Variants in PTPRD observed in about 807,000 individuals in gnomAD.
The protein encoded by PTPRD is protein tyrosine phosphatase receptor type D, also known as receptor-type tyrosine-protein phosphatase delta.
A neutral mutation model predicts 214.5 loss-of-function variants in PTPRD; 34 were observed. That is an observed-to-expected ratio of 0.16 (90% CI 0.12 to 0.21). PTPRD has a LOEUF of 0.21. Among genes scored for constraint, PTPRD ranks in the 10% least tolerant of loss-of-function variants. The pLI is 1.00. For missense variants in PTPRD, 2,545 were observed against 2,398.7 expected, an observed-to-expected ratio of 1.06 and a Z score of -1.27; for synonymous variants, 1,128 against 845.7, an observed-to-expected ratio of 1.33 and a Z score of -5.79.
chr9:8,839,896 G>A (rs908408639), intron 11 of PTPRD, among the ~76,000 whole-genome samples: 2 of 152,052 alleles, frequency 1.3e-5, no homozygotes, highest in African/African-American at 4.8e-5. Context: ...ATACATTTAT[G>A]GTAAAATGAT....
intron 7 of PTPRD, among the ~76,000 whole-genome samples, chr9:9,696,425 T>C (rs1001190097): frequency 3.3e-5 from 5 of 152,160 alleles, no homozygotes; most frequent in African/African-American, 4.8e-5. Context: ...TATTATTGTA[T>C]TGCAGTCTAG....
intron 2 of PTPRD, among the ~76,000 whole-genome samples, chr9:10,406,078 T>C (rs1241236126): frequency 6.6e-6 from 1 of 151,350 alleles, no homozygotes; most frequent in East Asian, 2.0e-4. Context: ...TATTCTAATG[T>C]ATATTAATTA....
In PTPRD at chr9:9,267,971, A is replaced by T. The variant is rs780571410; in HGVS notation, c.-202-84608T>A. Reference sequence around the variant, plus strand: ...CTTTTCCTCTAAAATCAGGAACAAGACAAGGATGTCCACTCTCGCCACTTC... The same window carrying T: ...CTTTTCCTCTAAAATCAGGAACAAGTCAAGGATGTCCACTCTCGCCACTTC... On this transcript the variant is annotated intron_variant, in intron 9 of 45. Coordinates refer to ENST00000381196, the MANE Select transcript of PTPRD (RefSeq NM_002839.4). 5.0e-4 allele frequency among the ~76,000 whole-genome samples: 76 copies of T among 151,242 alleles called. 1 individual carries two copies. Among genetic ancestry groups the T allele is most frequent in the Admixed American group, 3.3e-4 (5 of 15,136 alleles).
intron 21 of PTPRD, among the ~76,000 whole-genome samples, chr9:8,514,233 T>G (rs2097740690): frequency 1.3e-5 from 2 of 152,216 alleles, no homozygotes; most frequent in African/African-American, 4.8e-5. Flanking sequence ...AGATTACGAC[T>G]GAAGGCATCA....
chr9:9,487,740 A>G (rs1371947131), intron 8 of PTPRD, among the ~76,000 whole-genome samples: 1 of 152,154 alleles, frequency 6.6e-6, no homozygotes, highest in African/African-American at 2.4e-5. Flanking sequence ...ACTGCTCTTG[A>G]TATAGACTTT....
At chr9:8,498,552 C>T (rs2097327867) in intron 25 of PTPRD, among the ~76,000 whole-genome samples, 1 of 152,192 alleles carries the variant, frequency 6.6e-6, no homozygotes, top group Admixed American at 6.5e-5. Flanking sequence ...TAGAACTGGG[C>T]AACCTGGTGC....
intron 7 of PTPRD, among the ~76,000 whole-genome samples, chr9:9,664,142 G>T (rs78971895): frequency 0.014 from 2,033 of 146,620 alleles, 45 homozygotes; most frequent in African/African-American, 0.048. Context: ...AGAGCTATGA[G>T]TTACACGTAA....
At chr9:10,287,582 G>A (rs2095401538) in intron 3 of PTPRD, among the ~76,000 whole-genome samples, 1 of 152,044 alleles carries the variant, frequency 6.6e-6, no homozygotes, top group Non-Finnish European at 1.5e-5. Flanking sequence ...AAGGTGTCAG[G>A]TGGTGCCATG....
intron 3 of PTPRD, among the ~76,000 whole-genome samples, chr9:10,338,671 C>T (rs557288964): frequency 6.6e-6 from 1 of 151,808 alleles, no homozygotes; most frequent in African/African-American, 2.4e-5. Context: ...ATAGGTCCTA[C>T]GTCAAAGTGC....
At chr9:10,515,763 C>T (rs968050966) in intron 2 of PTPRD, among the ~76,000 whole-genome samples, 10 of 151,860 alleles carry the variant, frequency 6.6e-5, no homozygotes, top group African/African-American at 2.4e-4. Flanking sequence ...CACTCAGACC[C>T]CAGCAACCAC....
At chr9:9,043,661 T>G (rs922819643) in intron 10 of PTPRD, among the ~76,000 whole-genome samples, 4 of 152,144 alleles carry the variant, frequency 2.6e-5, no homozygotes, top group African/African-American at 9.7e-5. Flanking sequence ...CCCAGCACTT[T>G]GTGAGGCCAA....
intron 10 of PTPRD, among the ~76,000 whole-genome samples, chr9:9,106,001 C>G (rs1456350527): frequency 6.6e-6 from 1 of 152,058 alleles, no homozygotes; most frequent in Non-Finnish European, 1.5e-5. Flanking sequence ...AGTTATTGTG[C>G]TTTTCTCTAG....
intron 5 of PTPRD, among the ~76,000 whole-genome samples, chr9:9,908,823 A>AATGCT (rs1381053295): frequency 6.6e-6 from 1 of 151,976 alleles, no homozygotes; most frequent in East Asian, 1.9e-4. Flanking sequence ...CACTCATACA[A>AATGCT]ATGCTAGGTC....
intron 3 of PTPRD, among the ~76,000 whole-genome samples, chr9:10,135,381 C>T (rs2098934797): frequency 6.6e-6 from 1 of 151,924 alleles, no homozygotes; most frequent in Admixed American, 6.6e-5. Context: ...ACACAGAACC[C>T]CCATGAGACA....
In PTPRD at chr9:10,403,592, G is replaced by A. The variant is rs531687184; in HGVS notation, c.-599-62575C>T. ...CAGAACTAAACACACTCTGACCATG[G>A]GCTCCAGCAAGTGAGCTCCTAGATG... is the stretch of plus-strand genomic sequence containing the variant. On this transcript the variant is annotated intron_variant, in intron 2 of 45. Transcript: ENST00000381196. 2.6e-5 allele frequency among the ~76,000 whole-genome samples: 4 copies of A among 151,164 alleles called. No individual in the cohort carries two copies. The East Asian group carries it at 7.9e-4, about 30-fold the overall frequency.
At chr9:8,508,702 T>C (rs141525353) in intron 21 of PTPRD, among the ~76,000 whole-genome samples, 2 of 152,116 alleles carry the variant, frequency 1.3e-5, no homozygotes, top group Non-Finnish European at 2.9e-5. Context: ...ACAGTATAAT[T>C]TGTAGTTCAA....
chr9:8,996,586 C>T (rs1013499433), intron 11 of PTPRD, among the ~76,000 whole-genome samples: 1 of 151,916 alleles, frequency 6.6e-6, no homozygotes, highest in African/African-American at 2.4e-5. Flanking sequence ...ATTTATTGCT[C>T]ACAGTAAGGA....
intron 4 of PTPRD, among the ~76,000 whole-genome samples, chr9:9,992,167 G>T (rs1379965035): frequency 6.6e-6 from 1 of 152,126 alleles, no homozygotes; most frequent in Non-Finnish European, 1.5e-5. Flanking sequence ...ATGAGATAGT[G>T]ACAATGGTTG....
At chr9:9,318,503 G>C (rs1964626465) in intron 9 of PTPRD, among the ~76,000 whole-genome samples, 1 of 152,064 alleles carries the variant, frequency 6.6e-6, no homozygotes, top group African/African-American at 2.4e-5. Context: ...TTTGTGCAAA[G>C]AAACCAAAGT....
Sources: gnomAD v4.1 joint callset for allele counts (sites outside exome capture counted in the v4.1 genomes callset) on GRCh38, gnomAD v4.1.1 for gene constraint, MANE v1.5 for transcripts, NCBI Gene and HGNC (gene_info 2026-07-23, HGNC 2026-07-21) for gene names.